Variants in PAGE2B observed in about 807,000 individuals in gnomAD.
PAGE2B encodes PAGE family member 2B, also known as putative G antigen family E member 3.
PAGE2B carries 5 observed loss-of-function variants against 7.6 expected under a neutral mutation model. The ratio of observed to expected loss-of-function variants is 0.66; its 90% CI spans 0.34 to 1.38. The LOEUF is 1.38. Ranked by LOEUF, PAGE2B falls within the 40% of genes most tolerant of loss-of-function variation. PAGE2B has a pLI of 0.04. For synonymous variants in PAGE2B, 29 were observed against 26.7 expected, an observed-to-expected ratio of 1.09 and a Z score of -0.27; for missense variants, 70 against 78.4, an observed-to-expected ratio of 0.89 and a Z score of 0.41.
At chrX:55,052,375 G>C in the PAGE2B span, among the ~76,000 whole-genome samples, 2 of 112,510 alleles carry the variant, frequency 1.8e-5, no homozygotes, top group Non-Finnish European at 3.8e-5. Flanking sequence ...GGTTATTGCT[G>C]TCTTTTGTTT....
chrX:55,037,478 G>A, the PAGE2B span, among the ~76,000 whole-genome samples: 1 of 111,244 alleles, frequency 9.0e-6, no homozygotes, highest in African/African-American at 3.3e-5. Context: ...TTCAACCATT[G>A]TGGAAGTCAG....
At chrX:55,034,573 T>A in the PAGE2B span, among the ~76,000 whole-genome samples, 3 of 110,298 alleles carry the variant, frequency 2.7e-5, no homozygotes, top group Admixed American at 9.8e-5. Flanking sequence ...TTTCATTGTT[T>A]AATAACACTT....
upstream of PAGE2B, among the ~76,000 whole-genome samples, chrX:55,074,006 G>A: frequency 9.0e-6 from 1 of 111,606 alleles, no homozygotes. Flanking sequence ...GAAAAACATA[G>A]TGGAGTAGAA....
the PAGE2B span, among the ~76,000 whole-genome samples, chrX:55,064,555 C>T: frequency 9.0e-6 from 1 of 110,737 alleles, no homozygotes; most frequent in Non-Finnish European, 1.9e-5. Flanking sequence ...TTTATTTCTA[C>T]TCTGATCTTT....
the PAGE2B span, among the ~76,000 whole-genome samples, chrX:55,057,129 T>C: frequency 1.8e-5 from 2 of 111,235 alleles, no homozygotes; most frequent in East Asian, 5.7e-4. Flanking sequence ...GCTGTAGTGG[T>C]AGAGAAATAG....
chrX:55,060,164 T>A, the PAGE2B span, among the ~76,000 whole-genome samples: 1 of 111,697 alleles, frequency 9.0e-6, no homozygotes, highest in Non-Finnish European at 1.9e-5. Context: ...AAAAGTGAAA[T>A]GGCTGAATCA....
At chrX:55,066,588 G>A in the PAGE2B span, among the ~76,000 whole-genome samples, 7,724 of 110,973 alleles carry the variant, frequency 0.07, 611 homozygotes, top group African/African-American at 0.23. Context: ...TTCCTTCAGC[G>A]CTTTAAATAT....
chrX:55,037,324 G>C, the PAGE2B span, among the ~76,000 whole-genome samples: 3 of 112,144 alleles, frequency 2.7e-5, no homozygotes, highest in Non-Finnish European at 5.6e-5. Flanking sequence ...CTGGCCATCA[G>C]AGAAATGCAA....
the PAGE2B span, among the ~76,000 whole-genome samples, chrX:55,042,667 A>G: frequency 9.9e-6 from 1 of 100,812 alleles, no homozygotes; most frequent in African/African-American, 3.6e-5. Context: ...AAAAAAAAAA[A>G]AAAAAAAAAA....
the PAGE2B span, among the ~76,000 whole-genome samples, chrX:55,040,927 A>G: frequency 9.0e-6 from 1 of 111,175 alleles, no homozygotes; most frequent in Non-Finnish European, 1.9e-5. Context: ...GACCTTCTAT[A>G]GTACTTTAGC....
At chrX:55,056,332 C>T in the PAGE2B span, among the ~76,000 whole-genome samples, 2,297 of 110,557 alleles carry the variant, frequency 0.021, 70 homozygotes, top group African/African-American at 0.072. Flanking sequence ...CCCTGAAGTC[C>T]AGGTCAGTAG....
At chrX:55,031,245 G>A in the PAGE2B span, among the ~76,000 whole-genome samples, 1 of 111,302 alleles carries the variant, frequency 9.0e-6, no homozygotes, top group Non-Finnish European at 1.9e-5. Context: ...GATACCTTGA[G>A]CAAAACCACC....
chrX:55,044,014 G>T, the PAGE2B span, among the ~76,000 whole-genome samples: 1 of 103,538 alleles, frequency 9.7e-6, no homozygotes, highest in Non-Finnish European at 1.9e-5. Flanking sequence ...ATGTTGGCAT[G>T]GATGTGGTAA....
chrX:55,075,499 G>A (rs1333797765), intron 1 of PAGE2B, among the ~76,000 whole-genome samples: 1 of 111,080 alleles, frequency 9.0e-6, no homozygotes, highest in African/African-American at 3.3e-5. Context: ...AACTGGGAAC[G>A]CTGTGGGCCG....
chrX:55,055,452 G>T, the PAGE2B span: 1 of 111,323 alleles, frequency 9.0e-6, no homozygotes, highest in East Asian at 2.8e-4. Context: ...GATTATGGTA[G>T]GTAGGTCCCT....
chrX:55,054,686 C>T, the PAGE2B span, among the ~76,000 whole-genome samples: 17 of 111,735 alleles, frequency 1.5e-4, no homozygotes, highest in Middle Eastern at 9.1e-3. Flanking sequence ...TTCAGTATGC[C>T]GCATTATATA....
the PAGE2B span, among the ~76,000 whole-genome samples, chrX:55,053,808 A>C: frequency 8.9e-6 from 1 of 112,448 alleles, no homozygotes; most frequent in African/African-American, 3.2e-5. Context: ...TTTATACTAC[A>C]AACCTCATAT....
At chrX:55,039,838 T>A in the PAGE2B span, among the ~76,000 whole-genome samples, 1 of 112,267 alleles carries the variant, frequency 8.9e-6, no homozygotes. Context: ...GGCTGGCCCA[T>A]GTCCTTGTTC....
the PAGE2B span, among the ~76,000 whole-genome samples, chrX:55,041,167 C>T: frequency 2.0e-5 from 2 of 102,327 alleles, no homozygotes; most frequent in African/African-American, 7.2e-5. Flanking sequence ...CTGCAGTCTC[C>T]ACCTCCCGGG....
Sources: allele counts gnomAD v4.1 joint callset (sites outside exome capture counted in the v4.1 genomes callset), GRCh38; gene constraint gnomAD v4.1.1; transcripts MANE v1.5; gene names NCBI Gene and HGNC (gene_info 2026-07-23, HGNC 2026-07-21).